CDK14: variants seen among roughly 807,000 people sequenced by gnomAD.
The protein encoded by CDK14 is cyclin dependent kinase 14.
Under a neutral mutation model 60.7 loss-of-function variants are expected in CDK14, and 34 were observed. The ratio of observed to expected loss-of-function variants is 0.56; its 90% CI spans 0.43 to 0.75. CDK14 has a LOEUF of 0.75. CDK14 is among the 30% of genes least tolerant of loss of function. The pLI is 0.00. For missense variants in CDK14, 482 were observed against 564.1 expected (o/e 0.85, Z 1.47); for synonymous variants, 197 against 203.7 (o/e 0.97, Z 0.28).
chr7:90,828,761 C>A (rs888049067), intron 5 of CDK14, among the ~76,000 whole-genome samples: 14 of 152,156 alleles, frequency 9.2e-5, no homozygotes, highest in African/African-American at 3.4e-4. Context: ...TACTCTTTTA[C>A]AATTCAGATG....
intron 3 of CDK14, among the ~76,000 whole-genome samples, chr7:90,732,571 G>A (rs1398652466): frequency 6.6e-6 from 1 of 152,104 alleles, no homozygotes; most frequent in Non-Finnish European, 1.5e-5. Context: ...AGTTTTAGGA[G>A]GGTGTATGTG....
intron 14 of CDK14, among the ~76,000 whole-genome samples, chr7:91,158,472 C>T (rs1365193993): frequency 6.6e-6 from 1 of 152,100 alleles, no homozygotes; most frequent in African/African-American, 2.4e-5. Context: ...CTGCCTTGAC[C>T]TCCCAAAGTG....
intron 8 of CDK14, 134 bp downstream of exon 8, chr7:90,917,858 GA>G: frequency 1.2e-6 from 1 of 829,530 alleles, no homozygotes; most frequent in Admixed American, 2.8e-5. Context: ...TGAAATGAAG[GA>G]TTTTTTCTTT....
chr7:90,917,745 C>T (rs778399581), intron 8 of CDK14, 21 bp downstream of exon 8: 23 of 1,610,868 alleles, frequency 1.4e-5, no homozygotes, highest in Non-Finnish European at 1.9e-5. Flanking sequence ...AGTTAATTAC[C>T]AGTCTATTTT....
intron 2 of CDK14, among the ~76,000 whole-genome samples, chr7:90,725,398 C>T (rs1190081985): frequency 6.6e-6 from 1 of 152,068 alleles, no homozygotes; most frequent in African/African-American, 2.4e-5. Context: ...TATATCTATC[C>T]ATATACATAG....
intron 10 of CDK14, among the ~76,000 whole-genome samples, chr7:91,021,335 G>A (rs1292944599): frequency 2.6e-5 from 4 of 152,212 alleles, no homozygotes; most frequent in Admixed American, 2.0e-4. Context: ...AATGGGAGTA[G>A]TAATAATATC....
intron 2 of CDK14, among the ~76,000 whole-genome samples, chr7:90,612,079 C>A (rs567187534): frequency 6.6e-6 from 1 of 152,084 alleles, no homozygotes; most frequent in Non-Finnish European, 1.5e-5. Context: ...GTGATCCACC[C>A]GTCTTGGCCT....
chr7:90,876,107 T>C (rs1442977692), intron 6 of CDK14, among the ~76,000 whole-genome samples: 1 of 152,198 alleles, frequency 6.6e-6, no homozygotes, highest in African/African-American at 2.4e-5. Context: ...AGCAATATGA[T>C]TGGGAATTCC....
At chr7:90,732,350 A>C (rs11982693) in intron 3 of CDK14, among the ~76,000 whole-genome samples, 23,565 of 152,128 alleles carry the variant, frequency 0.15, 1,942 homozygotes, top group Middle Eastern at 0.25. Context: ...TGATGCTGGC[A>C]TCATAAAATG....
chr7:91,017,548 CT>C (rs1422493763), intron 10 of CDK14, among the ~76,000 whole-genome samples: 1 of 152,200 alleles, frequency 6.6e-6, no homozygotes, highest in Non-Finnish European at 1.5e-5. Flanking sequence ...TTCATATACA[CT>C]TTAGGCTCAG....
At chr7:90,946,888 C>G (rs1400275652) in intron 8 of CDK14, among the ~76,000 whole-genome samples, 1 of 152,194 alleles carries the variant, frequency 6.6e-6, no homozygotes, top group East Asian at 1.9e-4. Context: ...CCATTTCCCG[C>G]TGTTACCCTG....
intron 11 of CDK14, among the ~76,000 whole-genome samples, chr7:91,070,357 C>T (rs944682474): frequency 1.3e-5 from 2 of 152,036 alleles, no homozygotes; most frequent in Non-Finnish European, 2.9e-5. Context: ...AATAAGAGCT[C>T]CGTGAAGAAA....
chr7:91,021,189 A>G (rs1395752042), intron 10 of CDK14, among the ~76,000 whole-genome samples: 1 of 152,186 alleles, frequency 6.6e-6, no homozygotes, highest in East Asian at 1.9e-4. Context: ...ACTATCAACT[A>G]GAAGCAACAT....
intron 2 of CDK14, among the ~76,000 whole-genome samples, chr7:90,722,101 TTTCTCCCCTCTTACCCCTCTTCTCCC>T (rs1295682739): frequency 2.0e-5 from 3 of 151,196 alleles, no homozygotes; most frequent in Non-Finnish European, 2.9e-5. Flanking sequence ...ACCCTCCCCT[TTTCTCCCCTCTTACCCCTCTTCTCCC>T]TTCTCCCCTC....
chr7:90,612,298 A>G lies in CDK14; in HGVS notation c.123+8049A>G, dbSNP rs375973785. ...GCCTTCCCAAAACATCTTTCTTGTC[A>G]TAGTACTCCCCTGTTCAAAGATTCA... On this transcript the variant is annotated intron_variant, in intron 2 of 14. Coordinates refer to ENST00000380050, the MANE Select transcript of CDK14 (RefSeq NM_001287135.2). 5.3e-5 allele frequency among the ~76,000 whole-genome samples: 8 copies of G among 152,194 alleles called. No individual in the cohort carries two copies. In the South Asian group the frequency reaches 6.2e-4, roughly 12 times the overall value.
At chr7:90,661,392 C>G (rs895641150) in intron 2 of CDK14, among the ~76,000 whole-genome samples, 1 of 152,136 alleles carries the variant, frequency 6.6e-6, no homozygotes, top group Non-Finnish European at 1.5e-5. Flanking sequence ...AGTACGTGAT[C>G]TACATAGCCA....
At chr7:91,043,658 CT>C (rs1385133485) in intron 10 of CDK14, among the ~76,000 whole-genome samples, 1 of 152,182 alleles carries the variant, frequency 6.6e-6, no homozygotes, top group Non-Finnish European at 1.5e-5. Context: ...TGCCTGCCTC[CT>C]TCCCCTTCGT....
At chr7:90,778,012 A>T (rs559508317) in intron 4 of CDK14, among the ~76,000 whole-genome samples, 1 of 152,132 alleles carries the variant, frequency 6.6e-6, no homozygotes, top group African/African-American at 2.4e-5. Context: ...CATATTTTCT[A>T]CCTCTTCTCT....
intron 14 of CDK14, among the ~76,000 whole-genome samples, chr7:91,189,345 A>C (rs1802284858): frequency 6.6e-6 from 1 of 152,216 alleles, no homozygotes; most frequent in Non-Finnish European, 1.5e-5. Context: ...TTCATTATAC[A>C]AATAATAAAT....
Sources: gnomAD v4.1 joint callset for allele counts (sites outside exome capture counted in the v4.1 genomes callset) on GRCh38, gnomAD v4.1.1 for gene constraint, MANE v1.5 for transcripts, NCBI Gene and HGNC (gene_info 2026-07-23, HGNC 2026-07-21) for gene names.